The following INAVA variants were observed in gnomAD, a reference collection of about 807,000 sequenced individuals.
INAVA encodes innate immunity activator protein.
A neutral mutation model predicts 55.3 loss-of-function variants in INAVA; 32 were observed. The observed-to-expected ratio is 0.58, with a 90% CI of 0.44 to 0.78. The LOEUF (loss-of-function observed/expected upper bound fraction) is 0.78, where lower values mean the gene tolerates loss of function less well. Ranked by LOEUF, INAVA falls within the 30% of genes least tolerant of loss-of-function variation. The probability of loss-of-function intolerance (pLI) is 0.00; values close to 1 mark genes in which losing one functional copy is unlikely to be tolerated. For synonymous variants in INAVA, 294 were observed against 329.4 expected, an observed-to-expected ratio of 0.89 and a Z score of 1.16; for missense variants, 756 against 786.4, an observed-to-expected ratio of 0.96 and a Z score of 0.46.
rs539160058 is a variant in INAVA at position 200,904,059 on chromosome 1, C to T, written c.520+2900C>T. ...CACTCTGGATGCATCTGTTGATCAA[C>T]AACACCAGCCATTAGCCACATCCTC... On this transcript the variant is annotated intron_variant, in intron 5 of 9. Transcript: ENST00000413687. 9.4e-4 allele frequency among the ~76,000 whole-genome samples: 143 copies of T among 151,822 alleles called. 1 individual carries two copies. Among genetic ancestry groups the T allele is most frequent in the Admixed American group, 2.5e-3 (38 of 15,242 alleles).
chr1:200,891,625 C>G (rs1333445358), upstream of INAVA: 12 of 1,533,216 alleles, frequency 7.8e-6, no homozygotes, highest in South Asian at 1.3e-5. Context: ...ATGGCCTGGA[C>G]AAACAGGTCC....
intron 1 of INAVA, among the ~76,000 whole-genome samples, chr1:200,896,527 A>C (rs753191989): frequency 6.1e-4 from 93 of 152,330 alleles, no homozygotes; most frequent in Non-Finnish European, 1.0e-3. Flanking sequence ...GCATGTTTGC[A>C]AAGGCCTCCC....
chr1:200,897,489 G>A (rs1425236502), intron 1 of INAVA, among the ~76,000 whole-genome samples: 4 of 152,326 alleles, frequency 2.6e-5, no homozygotes, highest in South Asian at 2.1e-4. Context: ...CCTGGACTTC[G>A]GAGGCCCCAG....
At chr1:200,912,192 G>A (rs1653782361) in intron 9 of INAVA, 55 bp downstream of exon 9, 1 of 1,456,760 alleles carries the variant, frequency 6.9e-7, no homozygotes. Flanking sequence ...TTTTGTTGGG[G>A]AGGGGCTGCA....
At chr1:200,908,624 C>T (rs1653587228) in intron 6 of INAVA, 106 bp from the exon 7 acceptor site, 1 of 958,718 alleles carries the variant, frequency 1.0e-6, no homozygotes, top group Non-Finnish European at 1.6e-6. Context: ...CTGCACAAGC[C>T]AGCATGGGAG....
At chr1:200,908,653 G>T in intron 6 of INAVA, 77 bp from the exon 7 acceptor site, 1 of 1,272,652 alleles carries the variant, frequency 7.9e-7, no homozygotes, top group Non-Finnish European at 1.1e-6. Context: ...GCGAGGCATG[G>T]GCTGTGGTTT....
rs3738252 is a variant in INAVA, at chr1:200,900,864, A to G, written c.298-73A>G. 6 of 1,195,064 alleles carry G rather than the reference A, an allele frequency of 5.0e-6. No homozygotes were observed. The East Asian group carries it at 1.3e-4, about 26-fold the overall frequency. The allele number at this position is 1,195,064 out of a possible 1,614,324, so 74.0% of individuals were successfully genotyped here. On this transcript the variant is annotated intron_variant, in intron 4 of 9. Transcript: ENST00000413687. Reference sequence around the variant, plus strand: ...GGACTGGGACCTAGAGCACTGTGTCAGGGCTGCTGTCCACCCTCTGGGCCC... The same window carrying G: ...GGACTGGGACCTAGAGCACTGTGTCGGGGCTGCTGTCCACCCTCTGGGCCC...
In INAVA at chr1:200,911,510, C is replaced by T. The variant is rs770327512; in HGVS notation, c.1017C>T (p.Arg339=). 2.5e-6 allele frequency: 4 copies of T among 1,613,920 alleles called. No homozygotes were observed. The South Asian group carries it at 3.3e-5, about 13-fold the overall frequency. ...EGRGRSAFPR[R]RPTHYTVTVP... is the part of the protein sequence containing the mutation. Reference sequence around the variant, plus strand: ...GAGGTCGCAGCGCCTTTCCCCGCCGCCGCCCCACTCACTACACGGTGACAG... The same window carrying T: ...GAGGTCGCAGCGCCTTTCCCCGCCGTCGCCCCACTCACTACACGGTGACAG... The change falls in exon 9 of 10, where the codon CGC becomes CGT. Residue 339 remains arginine (R), a synonymous_variant. Coordinates refer to ENST00000413687, the MANE Select transcript of INAVA (RefSeq NM_001142569.3).
Position 200,894,984 on chromosome 1 carries a change from A to G in INAVA, c.-198A>G. On this transcript the variant is annotated 5_prime_UTR_variant, in exon 1 of 10. Transcript: ENST00000413687. ...GCTCCGTCAGCTGGAGAGAGAGCAC[A>G]GGCCTGTGGCTTGGGAGACCCTGAG... 1 of 985,654 alleles carries G rather than the reference A, an allele frequency of 1.0e-6. No individual in the cohort carries two copies. The highest frequency in any genetic ancestry group is 1.2e-6 in the Non-Finnish European group (1 of 830,028). 61.1% of individuals were successfully genotyped at this position (985,654 alleles called of 1,614,324 possible). A position where few individuals can be genotyped will look rare whatever the true frequency, so the allele number is the denominator to read the frequency against.
intron 2 of INAVA, 85 bp from the exon 3 acceptor site, chr1:200,899,385 ATGT>A: frequency 7.5e-7 from 1 of 1,339,900 alleles, no homozygotes; most frequent in African/African-American, 1.4e-5. Flanking sequence ...ATGTGTGTGC[ATGT>A]GCATTCCCCT....
At chr1:200,903,993 G>A (rs186304650) in intron 5 of INAVA, among the ~76,000 whole-genome samples, 45 of 152,168 alleles carry the variant, frequency 3.0e-4, no homozygotes, top group African/African-American at 1.1e-3. Flanking sequence ...AGAGTGAACC[G>A]CATGAGGGCC....
chr1:200,906,952 A>G (rs1028260817), intron 5 of INAVA, among the ~76,000 whole-genome samples: 2 of 152,122 alleles, frequency 1.3e-5, no homozygotes, highest in Non-Finnish European at 2.9e-5. Context: ...CAGGTTCCCA[A>G]GTAGCTGGGA....
In INAVA at chr1:200,911,853, C is replaced by T. The variant is rs760459328; in HGVS notation, c.1360C>T (p.Arg454Cys). 2.5e-6 allele frequency: 4 copies of T among 1,593,422 alleles called. No homozygotes were observed. The highest frequency in any genetic ancestry group is 1.3e-5 in the African/African-American group (1 of 74,650). The change falls in exon 9 of 10, where the codon CGC (arginine) becomes TGC (cysteine). Residue 454 changes from arginine (R) to cysteine (C), a missense_variant. Around this residue, in one of 2 missense-constraint regions of INAVA, gnomAD observed 639 missense variants for 624.3 expected, o/e 1.02. Transcript: ENST00000413687. The stretch of plus-strand genomic sequence containing the variant: ...GCCGCCTGGCGAGTGGGAGCTGCGC[C>T]GCGCAGCCCCGGGCCCTGCTTACGA... ...PLPPGEWELR[R>C]AAPGPAYEEE...
chr1:200,894,089 G>A (rs1242421459), upstream of INAVA, among the ~76,000 whole-genome samples: 1 of 152,132 alleles, frequency 6.6e-6, no homozygotes, highest in Non-Finnish European at 1.5e-5. Context: ...CTTGGGGGTC[G>A]GTGGGATGGG....
At chr1:200,898,227 C>A in intron 1 of INAVA, 80 bp from the exon 2 acceptor site, 2 of 1,477,928 alleles carry the variant, frequency 1.4e-6, no homozygotes, top group African/African-American at 1.4e-5. Flanking sequence ...CTCCCCTGCT[C>A]TCAAGCATCT....
chr1:200,899,654 A>G, intron 3 of INAVA, 57 bp downstream of exon 3: 3 of 1,590,658 alleles, frequency 1.9e-6, no homozygotes, highest in Non-Finnish European at 2.6e-6. Flanking sequence ...CTGTGGAGCC[A>G]CGTGTGGGGA....
At position 200,911,536 on chromosome 1, in the gene INAVA, T is replaced by TG; in HGVS notation, c.1044dup (p.Pro349AlafsTer27). On this transcript the variant is annotated frameshift_variant, in exon 9 of 10. Transcript: ENST00000413687. LOFTEE classifies it high-confidence loss of function. The stretch of plus-strand genomic sequence containing the variant: ...CGCCCCACTCACTACACGGTGACAG[T>TG]GCCAGATTCCTGCTTTCCCGCGACC... 1 of 1,613,726 alleles carries TG rather than the reference T, an allele frequency of 6.2e-7. No homozygotes were observed.
chr1:200,900,295 G>C, intron 4 of INAVA, 75 bp downstream of exon 4: 1 of 1,338,386 alleles, frequency 7.5e-7, no homozygotes, highest in Admixed American at 1.9e-5. Context: ...CCTCAGCTCA[G>C]TACCCTGGCA....
intron 5 of INAVA, among the ~76,000 whole-genome samples, chr1:200,904,036 C>A (rs1010669778): frequency 3.9e-5 from 6 of 151,952 alleles, no homozygotes; most frequent in Non-Finnish European, 5.9e-5. Flanking sequence ...GTAATAGGCA[C>A]TCTGGATGCA....
Sources: gnomAD v4.1 joint callset for allele counts (sites outside exome capture counted in the v4.1 genomes callset) on GRCh38, gnomAD v4.1.1 for gene constraint, gnomAD v4.1.1 regional missense constraint, MANE v1.5 for transcripts, NCBI Gene and HGNC (gene_info 2026-07-23, HGNC 2026-07-21) for gene names.